Variants in WWOX observed in about 807,000 individuals in gnomAD.
The protein encoded by WWOX is WW domain containing oxidoreductase.
Under a neutral mutation model 46.2 loss-of-function variants are expected in WWOX, and 69 were observed. That is an observed-to-expected ratio of 1.49 (90% CI 1.23 to 1.82). WWOX has a LOEUF of 1.82. Among genes scored for constraint, WWOX ranks in the 40% most tolerant of loss-of-function variants. WWOX has a pLI of 0.00. For synonymous variants in WWOX, 359 were observed against 202.6 expected (o/e 1.77, Z -6.56); for missense variants, 919 against 542.6 (o/e 1.69, Z -6.89).
intron 8 of WWOX, among the ~76,000 whole-genome samples, chr16:78,952,337 C>T (rs2046077500): frequency 6.6e-6 from 1 of 151,720 alleles, no homozygotes; most frequent in East Asian, 1.9e-4. Context: ...CTCTTGGCAG[C>T]AATGCACTGA....
At chr16:78,156,465 A>G (rs1220537957) in intron 4 of WWOX, among the ~76,000 whole-genome samples, 2 of 152,232 alleles carry the variant, frequency 1.3e-5, no homozygotes, top group Non-Finnish European at 2.9e-5. Context: ...AGTTTGAAAC[A>G]GCCTGGATTG....
At chr16:78,746,835 A>C (rs972112886) in intron 8 of WWOX, among the ~76,000 whole-genome samples, 7 of 152,168 alleles carry the variant, frequency 4.6e-5, no homozygotes, top group African/African-American at 1.4e-4. Flanking sequence ...TGAGTGAGGA[A>C]AATAAATATT....
chr16:78,800,073 C>T lies in WWOX; in HGVS notation c.1056+367321C>T, dbSNP rs970568016. 5.3e-5 allele frequency among the ~76,000 whole-genome samples: 8 copies of T among 152,166 alleles called. 1 individual carries two copies. Among genetic ancestry groups the T allele is most frequent in the Middle Eastern group, 3.4e-3 (1 of 294 alleles). ...TTTCATCAAGCACATTGTTATCCTT[C>T]GGGTTGGCTCTGAGATGATACGTTT... On this transcript the variant is annotated intron_variant, in intron 8 of 8. Coordinates refer to ENST00000566780, the MANE Select transcript of WWOX (RefSeq NM_016373.4).
At chr16:78,276,673 T>C (rs1326279794) in intron 5 of WWOX, among the ~76,000 whole-genome samples, 1 of 152,230 alleles carries the variant, frequency 6.6e-6, no homozygotes, top group Non-Finnish European at 1.5e-5. Flanking sequence ...CTGTGATCTC[T>C]CAGTTGCTTG....
chr16:79,039,617 C>T (rs532554327), intron 8 of WWOX, among the ~76,000 whole-genome samples: 1 of 152,184 alleles, frequency 6.6e-6, no homozygotes, highest in South Asian at 2.1e-4. Flanking sequence ...GCCTTCCTAC[C>T]GTAGGCTTCT....
chr16:78,457,416 G>C (rs16947560), intron 8 of WWOX, among the ~76,000 whole-genome samples: 1 of 152,012 alleles, frequency 6.6e-6, no homozygotes, highest in Non-Finnish European at 1.5e-5. Flanking sequence ...GTATTGCTTC[G>C]TGTCTTCCAC....
At chr16:78,244,040 T>G (rs7187665) in intron 5 of WWOX, among the ~76,000 whole-genome samples, 1 of 151,978 alleles carries the variant, frequency 6.6e-6, no homozygotes. Flanking sequence ...CACTGCGGCT[T>G]AGCCTGTGGT....
At chr16:78,250,134 C>G (rs2037944520) in intron 5 of WWOX, among the ~76,000 whole-genome samples, 1 of 152,290 alleles carries the variant, frequency 6.6e-6, no homozygotes, top group Middle Eastern at 3.4e-3. Flanking sequence ...GATCAGTTTC[C>G]TCATTTGTGT....
intron 8 of WWOX, among the ~76,000 whole-genome samples, chr16:78,720,534 C>G (rs1216815220): frequency 2.7e-5 from 4 of 149,712 alleles, no homozygotes; most frequent in Non-Finnish European, 4.4e-5. Context: ...TACTCTCTTT[C>G]AGGATTTTAT....
intron 8 of WWOX, among the ~76,000 whole-genome samples, chr16:79,159,480 C>T (rs1407223377): frequency 5.3e-5 from 8 of 152,182 alleles, no homozygotes; most frequent in Admixed American, 4.6e-4. Flanking sequence ...ACACCTTCTA[C>T]TGGGAGACGG....
At chr16:78,353,866 T>A (rs1224744909) in intron 5 of WWOX, among the ~76,000 whole-genome samples, 2 of 152,234 alleles carry the variant, frequency 1.3e-5, no homozygotes, top group Non-Finnish European at 2.9e-5. Context: ...CTTGATGTGG[T>A]GCCGAGTTGT....
intron 4 of WWOX, among the ~76,000 whole-genome samples, chr16:78,163,291 C>G (rs2034858212): frequency 6.6e-6 from 1 of 152,144 alleles, no homozygotes; most frequent in Admixed American, 6.5e-5. Context: ...TTTAATCAAA[C>G]TAGGAATTGA....
intron 6 of WWOX, among the ~76,000 whole-genome samples, chr16:78,406,403 A>T (rs1036291659): frequency 7.2e-6 from 1 of 139,572 alleles, no homozygotes; most frequent in Non-Finnish European, 1.5e-5. Flanking sequence ...ACCAGGCTGG[A>T]GTGCAGTGGT....
intron 8 of WWOX, among the ~76,000 whole-genome samples, chr16:78,765,808 G>A (rs549268606): frequency 6.6e-6 from 1 of 152,198 alleles, no homozygotes; most frequent in Non-Finnish European, 1.5e-5. Context: ...AGAACTCATC[G>A]CACTATTTCT....
chr16:78,111,008 T>G (rs2032458818), intron 3 of WWOX, among the ~76,000 whole-genome samples: 1 of 141,542 alleles, frequency 7.1e-6, no homozygotes, highest in South Asian at 2.1e-4. Context: ...GAGCAGGAAT[T>G]TTTTTTTTTT....
intron 7 of WWOX, among the ~76,000 whole-genome samples, chr16:78,430,500 G>C (rs1221682176): frequency 6.6e-6 from 1 of 152,060 alleles, no homozygotes; most frequent in Admixed American, 6.6e-5. Context: ...GTCCACTGGG[G>C]CATTCTTCAT....
intron 5 of WWOX, among the ~76,000 whole-genome samples, chr16:78,182,513 A>T (rs1407894276): frequency 6.6e-6 from 1 of 151,896 alleles, no homozygotes; most frequent in African/African-American, 2.4e-5. Context: ...TCTCTGTTCA[A>T]GGGTATCTTT....
intron 8 of WWOX, among the ~76,000 whole-genome samples, chr16:78,555,415 T>G (rs1194833849): frequency 6.6e-6 from 1 of 152,168 alleles, no homozygotes; most frequent in African/African-American, 2.4e-5. Context: ...CATACAGAGC[T>G]GCAGCTTTGG....
chr16:78,971,814 C>T (rs1365644286), intron 8 of WWOX, among the ~76,000 whole-genome samples: 1 of 151,992 alleles, frequency 6.6e-6, no homozygotes, highest in Non-Finnish European at 1.5e-5. Context: ...TGTTAAATGC[C>T]ATTTAAAGAG....
Sources: allele counts gnomAD v4.1 joint callset (sites outside exome capture counted in the v4.1 genomes callset), GRCh38; gene constraint gnomAD v4.1.1; transcripts MANE v1.5; gene names NCBI Gene and HGNC (gene_info 2026-07-23, HGNC 2026-07-21).